UFSP2: variants seen among roughly 807,000 people sequenced by gnomAD.
UFSP2 encodes the protein ufm1-specific protease 2.
A neutral mutation model predicts 60.2 loss-of-function variants in UFSP2; 43 were observed. The ratio of observed to expected loss-of-function variants is 0.71; its 90% CI spans 0.56 to 0.92. The LOEUF is 0.92. Ranked by LOEUF, UFSP2 falls within the 40% of genes least tolerant of loss-of-function variation. The probability of loss-of-function intolerance (pLI) is 0.00; values close to 1 mark genes in which losing one functional copy is unlikely to be tolerated. For synonymous variants in UFSP2, 183 were observed against 195.1 expected (o/e 0.94, Z 0.52); for missense variants, 520 against 575.0 (o/e 0.90, Z 0.98).
intron 6 of UFSP2, 32 bp downstream of exon 6, chr4:185,415,123 G>GT (rs1270099194): frequency 6.6e-7 from 1 of 1,508,528 alleles, no homozygotes; most frequent in South Asian, 1.3e-5. Context: ...AGTCATTATT[G>GT]TTTTTTCTAA....
At chr4:185,409,998 A>G (rs2095526449) in intron 7 of UFSP2, among the ~76,000 whole-genome samples, 1 of 152,210 alleles carries the variant, frequency 6.6e-6, no homozygotes, top group African/African-American at 2.4e-5. Context: ...TCAGAACTCC[A>G]GAACTGAGAC....
intron 5 of UFSP2, 39 bp from the exon 6 acceptor site, chr4:185,415,386 T>C (rs376386338): frequency 1.8e-5 from 26 of 1,482,926 alleles, no homozygotes; most frequent in East Asian, 4.7e-5. Flanking sequence ...ACAAAAGTTA[T>C]AGTGACTACA....
chr4:185,425,504 A>C (rs987742922), intron 1 of UFSP2, among the ~76,000 whole-genome samples: 1 of 152,168 alleles, frequency 6.6e-6, no homozygotes, highest in African/African-American at 2.4e-5. Flanking sequence ...AAACCAGGGG[A>C]GGGAAATACC....
chr4:185,425,877 C>A lies in UFSP2; in HGVS notation c.-9G>T. 6.2e-7 allele frequency: 1 copy of A among 1,602,408 alleles called. No homozygotes were observed. The highest frequency in any genetic ancestry group is 8.5e-7 in the Non-Finnish European group (1 of 1,174,616). On this transcript the variant is annotated 5_prime_UTR_variant, in exon 1 of 12. Transcript: ENST00000264689. ...GCAGAGATACTCACCATGTCCGCGA[C>A]GTGGCGGTGACACGGGCGCTGACGC...
At chr4:185,407,628 T>G (rs555062616) in intron 9 of UFSP2, among the ~76,000 whole-genome samples, 2 of 152,238 alleles carry the variant, frequency 1.3e-5, no homozygotes, top group South Asian at 4.1e-4. Context: ...AAGAAACTGT[T>G]AATATAATTT....
chr4:185,402,089 G>A (rs1427070276), intron 11 of UFSP2, among the ~76,000 whole-genome samples: 3 of 152,016 alleles, frequency 2.0e-5, no homozygotes, highest in African/African-American at 7.2e-5. Context: ...CAGCCTCGTA[G>A]AAGCACCTGA....
chr4:185,404,601 T>C (rs911925369), intron 10 of UFSP2, among the ~76,000 whole-genome samples: 1 of 149,022 alleles, frequency 6.7e-6, no homozygotes, highest in Non-Finnish European at 1.5e-5. Flanking sequence ...CCAGTCTTTT[T>C]TTTTGAGACA....
At chr4:185,411,723 A>G (rs1376525965) in intron 7 of UFSP2, among the ~76,000 whole-genome samples, 2 of 152,224 alleles carry the variant, frequency 1.3e-5, no homozygotes, top group African/African-American at 4.8e-5. Flanking sequence ...ACTGTTGCAC[A>G]TATGTATCGA....
chr4:185,410,672 C>T (rs542374051), intron 7 of UFSP2, among the ~76,000 whole-genome samples: 7 of 145,126 alleles, frequency 4.8e-5, no homozygotes, highest in South Asian at 2.2e-4. Flanking sequence ...TTAGGCCGGG[C>T]GCAGTGGCTC....
At chr4:185,422,382 A>C (rs2095550997) in intron 2 of UFSP2, 103 bp downstream of exon 2, 3 of 835,924 alleles carry the variant, frequency 3.6e-6, no homozygotes, top group Non-Finnish European at 5.8e-6. Context: ...ATATAATCTT[A>C]GTTCATCCTA....
chr4:185,418,292 CAT>C (rs1312921543), intron 4 of UFSP2, 147 bp downstream of exon 4: 11 of 585,760 alleles, frequency 1.9e-5, no homozygotes, highest in Middle Eastern at 4.7e-4. Context: ...GTAAGACAAA[CAT>C]ATAACTTTTG....
At chr4:185,400,996 C>CT (rs2095512575) in intron 11 of UFSP2, among the ~76,000 whole-genome samples, 1 of 152,126 alleles carries the variant, frequency 6.6e-6, no homozygotes, top group Non-Finnish European at 1.5e-5. Context: ...ATCCTTTTTG[C>CT]CAGCAGAGAA....
Position 185,415,809 on chromosome 4 carries a change from G to T in UFSP2, c.392C>A (p.Thr131Lys), listed in dbSNP as rs777270795. The T allele has an allele frequency of 5.0e-6, 8 of 1,613,328 alleles. No individual in the cohort carries two copies. The Admixed American group carries it at 1.3e-4, about 27-fold the overall frequency. ...TCCGCTTTCCCTTTCAATGATGGGC[G>T]TTACAGCTGCCAGGGAGGTTGACAT... ...LEMSTSLAAV[T>K]PIIERESGGH... The change falls in exon 5 of 12, where the codon ACG becomes AAG. Residue 131 changes from threonine (T) to lysine (K), a missense_variant. Physicochemically the swap from Thr to Lys is moderately conservative, Grantham distance 78 (BLOSUM62 -1). Transcript: ENST00000264689.
At position 185,403,612 on chromosome 4, in the gene UFSP2, C is replaced by A. The variant is rs765378453; in HGVS notation, c.1205G>T (p.Gly402Val). 1 of 1,609,980 alleles carries A rather than the reference C, an allele frequency of 6.2e-7. No individual in the cohort carries two copies. Among genetic ancestry groups the A allele is most frequent in the South Asian group, 1.1e-5 (1 of 90,066 alleles). ...TCCTAGTATTGTGTGGGCCAAAACT[C>A]CTCCCCCTATAGAAGAAAAAATAGG... Reference protein sequence around the residue: ...SEGTPVMIGGGVLAHTILGVA... With the variant: ...SEGTPVMIGGVVLAHTILGVA... Residue 402 changes from glycine to valine, a missense_variant, in exon 11 of 12, where the codon GGA becomes GTA. Gly to Val is a moderately radical substitution (Grantham distance 109, BLOSUM62 -3). Coordinates refer to ENST00000264689, the MANE Select transcript of UFSP2 (RefSeq NM_018359.5).
At position 185,425,914 on chromosome 4, in the gene UFSP2, T is replaced by TG; in HGVS notation, c.-47_-46insC. ...ACGGGCGCTGACGCCTGCCCAAAAG[T>TG]TCCGGGGGCCGGCCCTGAAGTGGTG... is the stretch of plus-strand genomic sequence containing the variant. On this transcript the variant is annotated 5_prime_UTR_variant, in exon 1 of 12. Transcript: ENST00000264689. The TG allele has an allele frequency of 6.3e-7, 1 of 1,578,396 alleles. No homozygotes were observed. The highest frequency in any genetic ancestry group is 1.3e-5 in the African/African-American group (1 of 74,466).
At position 185,418,463 on chromosome 4, in the gene UFSP2, T is replaced by C. The variant is rs911698314; in HGVS notation, c.311A>G (p.Lys104Arg). Residue 104 changes from lysine (K) to arginine (R), a missense_variant, in exon 4 of 12, where the codon AAG becomes AGG. Coordinates refer to ENST00000264689, the MANE Select transcript of UFSP2 (RefSeq NM_018359.5). The stretch of plus-strand genomic sequence containing the variant: ...TACCATGTCTGATAACTTTTTGTCC[T>C]TCTTTCTCATGAATTTTCTTTTTAT... Reference protein sequence around the residue: ...EDIKRKFMRKKDKKLSDMHQI... With the variant: ...EDIKRKFMRKRDKKLSDMHQI... 24 of 1,610,498 alleles carry C rather than the reference T, an allele frequency of 1.5e-5. No homozygotes were observed. Among genetic ancestry groups the C allele is most frequent in the Non-Finnish European group, 1.8e-5 (21 of 1,177,310 alleles).
At chr4:185,421,823 TGTTAACTATC>T (rs1167621468) in intron 2 of UFSP2, among the ~76,000 whole-genome samples, 13 of 152,172 alleles carry the variant, frequency 8.5e-5, no homozygotes, top group Non-Finnish European at 1.9e-4. Flanking sequence ...ATAATGAGGG[TGTTAACTATC>T]ACCCTTCAGA....
chr4:185,423,398 G>A (rs2095552979), intron 1 of UFSP2, among the ~76,000 whole-genome samples: 1 of 152,156 alleles, frequency 6.6e-6, no homozygotes, highest in Non-Finnish European at 1.5e-5. Flanking sequence ...ATATCAACTG[G>A]TGGAATCCTT....
chr4:185,418,706 G>C lies in UFSP2; in HGVS notation c.147C>G (p.Asn49Lys). Residue 49 changes from asparagine to lysine, a missense_variant, in exon 3 of 12, where the codon AAC becomes AAG. Coordinates refer to ENST00000264689, the MANE Select transcript of UFSP2 (RefSeq NM_018359.5). ...TGTGGCAAATTCTGAACACAAGGGC[G>C]TTTGAAGACAGCTTAGTTGACAGGT... Reference protein sequence around the residue: ...LSDLSTKLSSNALVFRICHSS... With the variant: ...LSDLSTKLSSKALVFRICHSS... The C allele has an allele frequency of 6.2e-7, 1 of 1,613,734 alleles. No homozygotes were observed. Among genetic ancestry groups the C allele is most frequent in the Non-Finnish European group, 8.5e-7 (1 of 1,179,900 alleles).
Sources: allele counts gnomAD v4.1 joint callset (sites outside exome capture counted in the v4.1 genomes callset), GRCh38; gene constraint gnomAD v4.1.1; transcripts MANE v1.5; gene names NCBI Gene and HGNC (gene_info 2026-07-23, HGNC 2026-07-21).